The following ZHX2 variants were observed in gnomAD, a reference collection of about 807,000 sequenced individuals.
ZHX2 encodes the protein zinc fingers and homeoboxes protein 2.
Under a neutral mutation model 21.9 loss-of-function variants are expected in ZHX2, and 6 were observed. The ratio of observed to expected loss-of-function variants is 0.27; its 90% confidence interval spans 0.15 to 0.54. The LOEUF (loss-of-function observed/expected upper bound fraction) is 0.54. Among genes scored for constraint, ZHX2 ranks in the 20% least tolerant of loss-of-function variants. The pLI is 0.95. For missense variants in ZHX2, 908 were observed against 1,090.7 expected, an observed-to-expected ratio of 0.83 and a Z score of 2.36; for synonymous variants, 434 against 437.1, an observed-to-expected ratio of 0.99 and a Z score of 0.09.
At chr8:122,814,093 C>G (rs555881559) in intron 1 of ZHX2, among the ~76,000 whole-genome samples, 1 of 152,160 alleles carries the variant, frequency 6.6e-6, no homozygotes, top group South Asian at 2.1e-4. Context: ...GTTCGCACTA[C>G]TAATCTACAC....
intron 1 of ZHX2, among the ~76,000 whole-genome samples, chr8:122,845,255 G>A (rs1262734303): frequency 6.6e-6 from 1 of 152,228 alleles, no homozygotes; most frequent in African/African-American, 2.4e-5. Flanking sequence ...AAATACAAGG[G>A]TTGGCACAAA....
At chr8:122,791,055 TGCACCTGTG>T (rs1418028196) in intron 1 of ZHX2, among the ~76,000 whole-genome samples, 4 of 152,176 alleles carry the variant, frequency 2.6e-5, no homozygotes, top group African/African-American at 9.7e-5. Flanking sequence ...CTGCCCTCCA[TGCACCTGTG>T]GCTCCAGCAA....
chr8:122,900,298 A>G (rs967799903), intron 2 of ZHX2, among the ~76,000 whole-genome samples: 1 of 152,210 alleles, frequency 6.6e-6, no homozygotes, highest in African/African-American at 2.4e-5. Flanking sequence ...AGGCCAAGGG[A>G]AGACTCATGT....
At chr8:122,923,661 G>A (rs1820787888) in intron 2 of ZHX2, among the ~76,000 whole-genome samples, 1 of 152,194 alleles carries the variant, frequency 6.6e-6, no homozygotes, top group African/African-American at 2.4e-5. Context: ...TGCTGGTCCT[G>A]GAAGGAAAAT....
At chr8:122,970,937 C>T (rs1253449679) in intron 3 of ZHX2, among the ~76,000 whole-genome samples, 2 of 152,214 alleles carry the variant, frequency 1.3e-5, no homozygotes, top group Non-Finnish European at 2.9e-5. Context: ...AGAGGCTGTG[C>T]ATGACCTGGA....
At chr8:122,956,845 G>A (rs927031951) in intron 3 of ZHX2, among the ~76,000 whole-genome samples, 3 of 152,190 alleles carry the variant, frequency 2.0e-5, no homozygotes, top group African/African-American at 7.2e-5. Context: ...TAGGGGCGGC[G>A]GTTCTCCAGA....
chr8:122,831,344 T>G (rs1197192768), intron 1 of ZHX2, among the ~76,000 whole-genome samples: 1 of 152,124 alleles, frequency 6.6e-6, no homozygotes, highest in Non-Finnish European at 1.5e-5. Context: ...CTGGGTAATT[T>G]ATCAAACATG....
At chr8:122,883,230 A>G (rs916694553) in intron 2 of ZHX2, among the ~76,000 whole-genome samples, 7 of 151,946 alleles carry the variant, frequency 4.6e-5, no homozygotes, top group African/African-American at 1.7e-4. Context: ...ATGGTTTTGC[A>G]TTTGCTGTTC....
intron 1 of ZHX2, among the ~76,000 whole-genome samples, chr8:122,803,959 T>C (rs975449678): frequency 3.3e-5 from 5 of 152,136 alleles, no homozygotes; most frequent in African/African-American, 9.7e-5. Flanking sequence ...CAGGGCGGGC[T>C]TTGATCAGTA....
intron 2 of ZHX2, among the ~76,000 whole-genome samples, chr8:122,925,053 G>A (rs560990855): frequency 3.3e-5 from 5 of 152,232 alleles, no homozygotes; most frequent in South Asian, 4.2e-4. Flanking sequence ...AGGAAAAGGG[G>A]GACCCCACTG....
intron 3 of ZHX2, among the ~76,000 whole-genome samples, chr8:122,970,999 G>A (rs1187769951): frequency 6.6e-6 from 1 of 152,204 alleles, no homozygotes; most frequent in Non-Finnish European, 1.5e-5. Flanking sequence ...CTCTGAAGTT[G>A]GACTGGCCAA....
chr8:122,861,761 T>C (rs950557270), intron 1 of ZHX2, among the ~76,000 whole-genome samples: 1 of 152,138 alleles, frequency 6.6e-6, no homozygotes, highest in South Asian at 2.1e-4. Context: ...AACTGCAAAA[T>C]AGAGCTAGTG....
intron 1 of ZHX2, among the ~76,000 whole-genome samples, chr8:122,787,723 A>C (rs1817424575): frequency 6.6e-6 from 1 of 152,204 alleles, no homozygotes; most frequent in Admixed American, 6.5e-5. Flanking sequence ...ACAGAGAAGG[A>C]GCCTGCTATT....
At chr8:122,855,999 C>T (rs969975586) in intron 1 of ZHX2, among the ~76,000 whole-genome samples, 1 of 152,166 alleles carries the variant, frequency 6.6e-6, no homozygotes, top group Non-Finnish European at 1.5e-5. Context: ...GGAACATATC[C>T]CAAGTTCAAG....
intron 3 of ZHX2, among the ~76,000 whole-genome samples, chr8:122,956,821 A>G (rs1461077085): frequency 6.6e-6 from 1 of 152,118 alleles, no homozygotes; most frequent in Non-Finnish European, 1.5e-5. Flanking sequence ...CCCATGGCTG[A>G]GTGGGAGGTT....
chr8:122,823,348 G>A (rs1482106000), intron 1 of ZHX2, among the ~76,000 whole-genome samples: 1 of 152,204 alleles, frequency 6.6e-6, no homozygotes, highest in East Asian at 1.9e-4. Flanking sequence ...GCCTGCAAAG[G>A]CCATCTCGTC....
intron 3 of ZHX2, among the ~76,000 whole-genome samples, chr8:122,957,037 G>A (rs550502305): frequency 6.6e-6 from 1 of 152,264 alleles, no homozygotes; most frequent in Non-Finnish European, 1.5e-5. Context: ...GATGAACGAA[G>A]GTCGCCTGAA....
chr8:122,880,529 C>T (rs1819687676), intron 2 of ZHX2, among the ~76,000 whole-genome samples: 1 of 152,042 alleles, frequency 6.6e-6, no homozygotes, highest in Non-Finnish European at 1.5e-5. Flanking sequence ...AATCCCAACA[C>T]TTCAGGAGGC....
intron 1 of ZHX2, among the ~76,000 whole-genome samples, chr8:122,858,837 C>T (rs1314784979): frequency 6.6e-6 from 1 of 152,062 alleles, no homozygotes; most frequent in East Asian, 1.9e-4. Context: ...GACAGGATTT[C>T]ACCATGTTGG....
Sources: allele counts gnomAD v4.1 joint callset (sites outside exome capture counted in the v4.1 genomes callset), GRCh38; gene constraint gnomAD v4.1.1; transcripts MANE v1.5; gene names NCBI Gene and HGNC (gene_info 2026-07-23, HGNC 2026-07-21).